Variants in CSMD1 observed in about 807,000 individuals in gnomAD.
CSMD1 encodes CUB and Sushi multiple domains 1, also known as CUB and sushi domain-containing protein 1.
CSMD1 carries 213 observed loss-of-function variants against 417.5 expected under a neutral mutation model. The ratio of observed to expected loss-of-function variants is 0.51; its 90% CI spans 0.46 to 0.57. The LOEUF (loss-of-function observed/expected upper bound fraction) is 0.57. Ranked by LOEUF, CSMD1 falls within the 20% of genes least tolerant of loss-of-function variation. The pLI is 0.00. For synonymous variants in CSMD1, 2,862 were observed against 1,736.8 expected (o/e 1.65, Z -16.11); for missense variants, 6,923 against 4,529.7 (o/e 1.53, Z -15.17).
chr8:3,179,824 T>C (rs994397717), intron 37 of CSMD1, among the ~76,000 whole-genome samples: 7 of 152,356 alleles, frequency 4.6e-5, no homozygotes, highest in South Asian at 2.1e-4. Context: ...ACATCCACAG[T>C]ATCATTTTAT....
At position 3,077,712 on chromosome 8, in the gene CSMD1, A is replaced by G. The variant is rs1368300032; in HGVS notation, c.7474+9385T>C. ...GCAGCCCCGACCCCGGCTTGCCTAC[A>G]CATTTTCCCCCAGAGCTGCTCTTCT... On this transcript the variant is annotated intron_variant, in intron 49 of 69. Coordinates refer to ENST00000635120, the MANE Select transcript of CSMD1 (RefSeq NM_033225.6). Among the ~76,000 whole-genome samples the G allele has an allele frequency of 3.3e-5, 5 of 152,236 alleles. 1 individual carries two copies. The highest frequency in any genetic ancestry group is 3.3e-4 in the Admixed American group (5 of 15,280).
At chr8:3,417,887 C>T (rs180774288) in intron 12 of CSMD1, among the ~76,000 whole-genome samples, 77 of 152,254 alleles carry the variant, frequency 5.1e-4, no homozygotes, top group African/African-American at 1.7e-3. Context: ...CACATGCTCC[C>T]GGCATTACTG....
rs17068182 is a variant in CSMD1, at chr8:3,951,369, T to G, written c.818+46534A>C. On this transcript the variant is annotated intron_variant, in intron 5 of 69. Coordinates refer to ENST00000635120, the MANE Select transcript of CSMD1 (RefSeq NM_033225.6). ...ACGGAGCAGGAATTCAAGAATTCAA[T>G]AAGTTTGTTAATTAAATGAATGCAA... Among the ~76,000 whole-genome samples, 1,278 of 152,302 alleles carry G rather than the reference T, an allele frequency of 8.4e-3. 14 individuals carry two copies. The highest frequency in any genetic ancestry group is 0.026 in the African/African-American group (1,091 of 41,560).
chr8:4,461,357 G>T (rs895083622), intron 2 of CSMD1, among the ~76,000 whole-genome samples: 1 of 151,768 alleles, frequency 6.6e-6, no homozygotes, highest in South Asian at 2.1e-4. Context: ...GGAGGTTTTA[G>T]CTAGGGCAGT....
At chr8:4,693,202 C>T (rs1486711645) in intron 1 of CSMD1, among the ~76,000 whole-genome samples, 1 of 152,224 alleles carries the variant, frequency 6.6e-6, no homozygotes, top group Non-Finnish European at 1.5e-5. Flanking sequence ...AAATGTGAGA[C>T]ACCATGCTCA....
chr8:3,905,237 A>G (rs978316788), intron 5 of CSMD1, among the ~76,000 whole-genome samples: 1 of 152,238 alleles, frequency 6.6e-6, no homozygotes, highest in Non-Finnish European at 1.5e-5. Flanking sequence ...TTTTCAAACA[A>G]AGGAATATTT....
intron 3 of CSMD1, among the ~76,000 whole-genome samples, chr8:4,175,727 T>C (rs991104677): frequency 3.3e-5 from 5 of 152,128 alleles, no homozygotes; most frequent in Admixed American, 2.0e-4. Flanking sequence ...CAAGAGAATG[T>C]TGCCTAGAAA....
chr8:3,533,873 C>T (rs749316639), intron 10 of CSMD1, among the ~76,000 whole-genome samples: 3 of 152,156 alleles, frequency 2.0e-5, no homozygotes, highest in Admixed American at 6.5e-5. Context: ...TATCTACAAT[C>T]GAAATCTTTC....
At chr8:4,193,033 C>T (rs1488770094) in intron 3 of CSMD1, among the ~76,000 whole-genome samples, 1 of 152,170 alleles carries the variant, frequency 6.6e-6, no homozygotes, top group Non-Finnish European at 1.5e-5. Flanking sequence ...CTTGGAATAT[C>T]TTAAGTTAAT....
At chr8:4,150,444 G>A (rs1198972505) in intron 3 of CSMD1, among the ~76,000 whole-genome samples, 5 of 152,170 alleles carry the variant, frequency 3.3e-5, no homozygotes, top group Non-Finnish European at 5.9e-5. Context: ...CAACTTCAGT[G>A]CCTTTTACCG....
chr8:4,305,479 T>C lies in CSMD1; in HGVS notation c.415+114474A>G, dbSNP rs1171684352. ...GCAGCTGGAATCACTGTAAAATTAA[T>C]GTGCTTTTACAGGCACTGCTTTCCC... On this transcript the variant is annotated intron_variant, in intron 3 of 69. Transcript: ENST00000635120. Among the ~76,000 whole-genome samples, 11 of 152,322 alleles carry C rather than the reference T, an allele frequency of 7.2e-5. No homozygotes were observed. In the East Asian group the frequency reaches 2.1e-3, roughly 29 times the overall value.
intron 1 of CSMD1, among the ~76,000 whole-genome samples, chr8:4,820,949 G>C (rs952228475): frequency 6.6e-6 from 1 of 152,000 alleles, no homozygotes; most frequent in Non-Finnish European, 1.5e-5. Flanking sequence ...CTTTCCTCAA[G>C]CTTTACTTTC....
At chr8:4,974,708 G>T (rs1810445132) in intron 1 of CSMD1, among the ~76,000 whole-genome samples, 1 of 152,116 alleles carries the variant, frequency 6.6e-6, no homozygotes, top group South Asian at 2.1e-4. Context: ...GATGTCGAAG[G>T]ATAACACCTT....
At chr8:4,011,350 T>C (rs555463813) in intron 4 of CSMD1, among the ~76,000 whole-genome samples, 3 of 152,324 alleles carry the variant, frequency 2.0e-5, no homozygotes, top group Admixed American at 6.5e-5. Flanking sequence ...AAAAACAATG[T>C]TATAGACTTT....
chr8:3,465,551 CAG>C (rs1816750384), intron 12 of CSMD1, among the ~76,000 whole-genome samples: 1 of 152,062 alleles, frequency 6.6e-6, no homozygotes, highest in South Asian at 2.1e-4. Flanking sequence ...GAGATTTTCT[CAG>C]AGACAACAGT....
intron 3 of CSMD1, among the ~76,000 whole-genome samples, chr8:4,279,527 T>C (rs1796665884): frequency 6.6e-6 from 1 of 152,144 alleles, no homozygotes; most frequent in Admixed American, 6.5e-5. Flanking sequence ...TACAGTGTGG[T>C]TAGTGCAACT....
intron 3 of CSMD1, among the ~76,000 whole-genome samples, chr8:4,190,821 C>G (rs992615850): frequency 6.6e-6 from 1 of 152,066 alleles, no homozygotes; most frequent in Non-Finnish European, 1.5e-5. Flanking sequence ...AGCTGGGGGC[C>G]ATTACCCTTC....
intron 5 of CSMD1, among the ~76,000 whole-genome samples, chr8:3,986,361 G>C (rs1195583660): frequency 1.3e-5 from 2 of 152,094 alleles, no homozygotes; most frequent in African/African-American, 2.4e-5. Flanking sequence ...TGAGCACTGA[G>C]ACACCCCCAG....
chr8:4,375,781 CT>C (rs1802696194), intron 3 of CSMD1, among the ~76,000 whole-genome samples: 1 of 152,192 alleles, frequency 6.6e-6, no homozygotes, highest in Non-Finnish European at 1.5e-5. Flanking sequence ...TGATTTCCCC[CT>C]CTTCAAACCA....
Sources: gnomAD v4.1 joint callset for allele counts (sites outside exome capture counted in the v4.1 genomes callset) on GRCh38, gnomAD v4.1.1 for gene constraint, MANE v1.5 for transcripts, NCBI Gene and HGNC (gene_info 2026-07-23, HGNC 2026-07-21) for gene names.